CCDC32: variants seen among roughly 807,000 people sequenced by gnomAD.
CCDC32 encodes coiled-coil domain containing 32.
Under a neutral mutation model 20.1 loss-of-function variants are expected in CCDC32, and 9 were observed. The observed-to-expected ratio is 0.45, with a 90% CI of 0.27 to 0.78. The LOEUF (loss-of-function observed/expected upper bound fraction) is 0.78, where lower values mean the gene tolerates loss of function less well. CCDC32 is among the 30% of genes least tolerant of loss of function. The probability of loss-of-function intolerance (pLI) is 0.16; values close to 1 mark genes in which losing one functional copy is unlikely to be tolerated. For synonymous variants in CCDC32, 63 were observed against 79.0 expected (o/e 0.80, Z 1.07); for missense variants, 204 against 215.5 (o/e 0.95, Z 0.33).
chr15:40,521,509 A>G, the CCDC32 span, among the ~76,000 whole-genome samples: 3 of 152,190 alleles, frequency 2.0e-5, no homozygotes, highest in Admixed American at 1.3e-4. Context: ...ATGAATATTC[A>G]TATACACGTT....
chr15:40,535,836 C>T (rs1889086745), downstream of CCDC32: 1 of 197,282 alleles, frequency 5.1e-6, no homozygotes, highest in Non-Finnish European at 9.1e-6. Flanking sequence ...GGGGGCCTAG[C>T]CTTTGCCTTC....
Position 40,528,774 on chromosome 15 carries a change from TC to T in CCDC32, c.417del (p.Ile140SerfsTer?). Reference sequence around the variant, plus strand: ...GCCTGCCCAAAGCCCTTAGCACAGATCCCATTTCTCAAAAAACTATTAAAAA... The same window carrying T: ...GCCTGCCCAAAGCCCTTAGCACAGATCCATTTCTCAAAAAACTATTAAAAA... On this transcript the variant is annotated frameshift_variant, in exon 4 of 4. Transcript: ENST00000560305. LOFTEE classifies it high-confidence loss of function. 1.4e-6 allele frequency: 1 copy of T among 698,942 alleles called. No homozygotes were observed. Among genetic ancestry groups the T allele is most frequent in the African/African-American group, 1.8e-5 (1 of 56,680 alleles). 43.3% of individuals were successfully genotyped at this position (698,942 alleles called of 1,614,324 possible).
chr15:40,549,518 C>T (rs1443020465), downstream of CCDC32, among the ~76,000 whole-genome samples: 2 of 152,234 alleles, frequency 1.3e-5, no homozygotes, highest in African/African-American at 4.8e-5. Context: ...CTCATATCTC[C>T]TTCCCATGTG....
intron 2 of CCDC32, among the ~76,000 whole-genome samples, chr15:40,560,621 A>C (rs1317330431): frequency 6.6e-6 from 1 of 152,230 alleles, no homozygotes; most frequent in African/African-American, 2.4e-5. Context: ...ATATGAAAAA[A>C]TGCTCAAAAT....
downstream of CCDC32, among the ~76,000 whole-genome samples, chr15:40,549,033 CAAAG>C (rs1236492003): frequency 1.3e-5 from 2 of 152,244 alleles, no homozygotes; most frequent in East Asian, 3.9e-4. Flanking sequence ...AAAATAAAAA[CAAAG>C]AAAAACCATT....
downstream of CCDC32, among the ~76,000 whole-genome samples, chr15:40,549,341 A>G (rs1253106603): frequency 6.6e-6 from 1 of 151,974 alleles, no homozygotes; most frequent in Non-Finnish European, 1.5e-5. Context: ...CCATCCTCCA[A>G]GTTCCCTTTT....
chr15:40,524,544 A>G (rs532296921), downstream of CCDC32, among the ~76,000 whole-genome samples: 18 of 152,180 alleles, frequency 1.2e-4, no homozygotes, highest in East Asian at 3.1e-3. Context: ...TTTATGTAAA[A>G]TTCTAGAATG....
downstream of CCDC32, chr15:40,536,806 C>A (rs1231583148): frequency 6.6e-6 from 1 of 152,314 alleles, no homozygotes; most frequent in Non-Finnish European, 1.5e-5. Context: ...GGAACACACT[C>A]TCCAGTGGAG....
intron 3 of CCDC32, among the ~76,000 whole-genome samples, chr15:40,544,465 C>T (rs538056487): frequency 6.6e-6 from 1 of 152,306 alleles, no homozygotes; most frequent in Admixed American, 6.5e-5. Context: ...GATCCTCCCA[C>T]CTTGGCCTCC....
chr15:40,535,683 A>G, downstream of CCDC32: 1 of 980,664 alleles, frequency 1.0e-6, no homozygotes, highest in Non-Finnish European at 1.2e-6. Context: ...CTCCAAAAGC[A>G]GGGAAGTCAT....
chr15:40,564,807 C>T (rs537383033), intron 1 of CCDC32, 169 bp downstream of exon 1: 1 of 1,614,084 alleles, frequency 6.2e-7, no homozygotes, highest in African/African-American at 1.3e-5. Flanking sequence ...GCAGGGCGTC[C>T]AGAACCACGC....
chr15:40,549,589 C>A (rs898038826), downstream of CCDC32, among the ~76,000 whole-genome samples: 2 of 152,152 alleles, frequency 1.3e-5, no homozygotes, highest in African/African-American at 4.8e-5. Flanking sequence ...TCTACTCCCC[C>A]CTCCATCATT....
At chr15:40,536,471 A>C (rs1889114740), downstream of CCDC32, 2 of 152,446 alleles carry the variant, frequency 1.3e-5, no homozygotes, top group Admixed American at 6.5e-5. Context: ...TTCAGACACC[A>C]GCCAGCTGTT....
intron 2 of CCDC32, chr15:40,557,640 C>T: frequency 3.2e-6 from 1 of 310,636 alleles, no homozygotes; most frequent in East Asian, 6.5e-5. Context: ...AAGTCAATGG[C>T]ATGTTTTCTT....
downstream of CCDC32, among the ~76,000 whole-genome samples, chr15:40,550,445 A>G (rs923907115): frequency 2.6e-5 from 4 of 152,220 alleles, no homozygotes; most frequent in Non-Finnish European, 5.9e-5. Flanking sequence ...GGTTAGTCCC[A>G]TTACTGAAAA....
At chr15:40,559,340 G>A (rs1052677999) in intron 2 of CCDC32, among the ~76,000 whole-genome samples, 5 of 152,236 alleles carry the variant, frequency 3.3e-5, no homozygotes, top group South Asian at 2.1e-4. Context: ...CTCCCACATC[G>A]GCCTCTCAGA....
downstream of CCDC32, among the ~76,000 whole-genome samples, chr15:40,530,722 C>CTT (rs35147425): frequency 1.4e-5 from 2 of 139,070 alleles, no homozygotes; most frequent in Admixed American, 7.2e-5. Context: ...TCAGGTATTC[C>CTT]TTTTTTTTTT....
intron 3 of CCDC32, among the ~76,000 whole-genome samples, chr15:40,544,854 T>G (rs911487118): frequency 4.6e-5 from 7 of 152,148 alleles, no homozygotes; most frequent in African/African-American, 1.7e-4. Flanking sequence ...TAATTTCTGA[T>G]CCCAAATGAA....
At chr15:40,564,838 T>C in intron 1 of CCDC32, 138 bp downstream of exon 1, 1 of 1,611,072 alleles carries the variant, frequency 6.2e-7, no homozygotes, top group Non-Finnish European at 8.5e-7. Context: ...GGCGTCCAGA[T>C]CCCAGGCCTC....
Sources: gnomAD v4.1 joint callset for allele counts (sites outside exome capture counted in the v4.1 genomes callset) on GRCh38, gnomAD v4.1.1 for gene constraint, MANE v1.5 for transcripts, NCBI Gene and HGNC (gene_info 2026-07-23, HGNC 2026-07-21) for gene names.